STK4: variants seen among roughly 807,000 people sequenced by gnomAD.
The protein encoded by STK4 is serine/threonine kinase 4, also known as serine/threonine-protein kinase 4.
In STK4, 30 loss-of-function variants were observed where a neutral mutation model predicts 64.9. The ratio of observed to expected loss-of-function variants is 0.46; its 90% confidence interval spans 0.35 to 0.63. The LOEUF (loss-of-function observed/expected upper bound fraction) is 0.63. STK4 is among the 20% of genes least tolerant of loss of function. The probability of loss-of-function intolerance (pLI) is 0.01; values close to 1 mark genes in which losing one functional copy is unlikely to be tolerated. For missense variants in STK4, 466 were observed against 598.5 expected (o/e 0.78, Z 2.31); for synonymous variants, 177 against 199.0 (o/e 0.89, Z 0.93).
rs71197599 is a variant in STK4 at position 45,062,989 on chromosome 20, CTTTTTTTTTTTTTTTT to C, written c.1306-12014_1306-11999del. Among the ~76,000 whole-genome samples the C allele has an allele frequency of 0.012, 382 of 31,548 alleles. 21 individuals are homozygous for C. The East Asian group carries it at 0.14, about 12-fold the overall frequency. The allele number at this position is 31,548 out of a possible 152,430, so 20.7% of individuals were successfully genotyped here. On this transcript the variant is annotated intron_variant, in intron 10 of 10. Coordinates refer to ENST00000372806, the MANE Select transcript of STK4 (RefSeq NM_006282.5). The stretch of plus-strand genomic sequence containing the variant: ...ACAGGTGTGAGCCACCGCACCCGGC[CTTTTTTTTTTTTTTTT>C]TTTTTTTTTTTTTTGGACACAGGGT...
chr20:44,978,022 T>G (rs1285211952), intron 2 of STK4, among the ~76,000 whole-genome samples: 1 of 152,202 alleles, frequency 6.6e-6, no homozygotes, highest in Non-Finnish European at 1.5e-5. Context: ...ACAACTGGTT[T>G]CAAATCCTGG....
Position 44,981,822 on chromosome 20 carries a change from T to C in STK4, c.246-7T>C, listed in dbSNP as rs777540734. 1 of 1,551,610 alleles carries C rather than the reference T, an allele frequency of 6.4e-7. No individual in the cohort carries two copies. The highest frequency in any genetic ancestry group is 1.7e-5 in the Admixed American group (1 of 59,436). On this transcript the variant is annotated splice_region_variant and splice_polypyrimidine_tract_variant and intron_variant, in intron 3 of 10. Transcript: ENST00000372806. ...TTTATTAATTTGTATTGTCTCTCTC[T>C]CTCTAGCCCTCATGTAGTCAAATAT...
intron 4 of STK4, among the ~76,000 whole-genome samples, chr20:44,982,207 C>T (rs575678588): frequency 6.6e-6 from 1 of 151,628 alleles, no homozygotes; most frequent in East Asian, 1.9e-4. Context: ...AGCTCTACCT[C>T]CTGGGCTTCA....
At chr20:45,036,493 A>G (rs924205700) in intron 10 of STK4, among the ~76,000 whole-genome samples, 1 of 152,124 alleles carries the variant, frequency 6.6e-6, no homozygotes, top group African/African-American at 2.4e-5. Flanking sequence ...ATTTTGCTTA[A>G]TAATGTCCCC....
At chr20:45,001,524 A>G (rs2067841812) in intron 9 of STK4, among the ~76,000 whole-genome samples, 171 bp downstream of exon 9, 1 of 152,212 alleles carries the variant, frequency 6.6e-6, no homozygotes, top group African/African-American at 2.4e-5. Context: ...GTGAGGGGGA[A>G]AGCTGGCCTG....
intron 10 of STK4, among the ~76,000 whole-genome samples, chr20:45,049,605 A>G (rs1424553369): frequency 6.6e-6 from 1 of 152,226 alleles, no homozygotes; most frequent in Non-Finnish European, 1.5e-5. Context: ...TCCCTTTGCC[A>G]GCTTGGTCAG....
intron 5 of STK4, among the ~76,000 whole-genome samples, chr20:44,988,341 C>G (rs531101821): frequency 1.3e-5 from 2 of 151,260 alleles, no homozygotes; most frequent in African/African-American, 4.9e-5. Context: ...ATGGTGAAAC[C>G]CCATCTCCAC....
intron 7 of STK4, among the ~76,000 whole-genome samples, chr20:44,999,386 G>A (rs921129903): frequency 1.3e-5 from 2 of 152,182 alleles, no homozygotes; most frequent in African/African-American, 4.8e-5. Context: ...ACATTTTGAG[G>A]TATACTGTCC....
At chr20:45,019,612 A>G (rs2068206938) in intron 9 of STK4, among the ~76,000 whole-genome samples, 1 of 152,246 alleles carries the variant, frequency 6.6e-6, no homozygotes, top group African/African-American at 2.4e-5. Flanking sequence ...GGCCAGTCTT[A>G]GCATAGGAAT....
At chr20:44,977,511 G>A (rs2145642994) in intron 2 of STK4, among the ~76,000 whole-genome samples, 1 of 152,132 alleles carries the variant, frequency 6.6e-6, no homozygotes, top group East Asian at 1.9e-4. Context: ...ATAAAGTGAT[G>A]ATGGTATCTC....
At chr20:45,046,736 C>T (rs959631493) in intron 10 of STK4, among the ~76,000 whole-genome samples, 4 of 151,428 alleles carry the variant, frequency 2.6e-5, no homozygotes, top group Non-Finnish European at 5.9e-5. Context: ...GGCTGGAGTG[C>T]AGTGGCGTGA....
chr20:44,967,500 C>T (rs1330460733), intron 1 of STK4, among the ~76,000 whole-genome samples: 1 of 152,158 alleles, frequency 6.6e-6, no homozygotes, highest in Non-Finnish European at 1.5e-5. Flanking sequence ...CCTGGATTTC[C>T]CTTGTGGACA....
At chr20:45,053,581 C>T (rs1870153666) in intron 10 of STK4, among the ~76,000 whole-genome samples, 1 of 152,126 alleles carries the variant, frequency 6.6e-6, no homozygotes, top group Non-Finnish European at 1.5e-5. Flanking sequence ...CACCTTAGGC[C>T]CTAGGAAGGA....
chr20:45,000,554 T>C (rs1482779541), intron 8 of STK4, 34 bp downstream of exon 8: 7 of 1,612,100 alleles, frequency 4.3e-6, no homozygotes, highest in East Asian at 2.2e-5. Context: ...GCCTCAGACA[T>C]TGATGCTTGT....
intron 9 of STK4, among the ~76,000 whole-genome samples, chr20:45,016,839 G>A (rs2068150976): frequency 6.6e-6 from 1 of 152,214 alleles, no homozygotes; most frequent in Non-Finnish European, 1.5e-5. Flanking sequence ...ACATAGGAAA[G>A]TGAATCACAA....
intron 9 of STK4, among the ~76,000 whole-genome samples, chr20:45,023,743 A>G (rs2068291052): frequency 6.6e-6 from 1 of 152,056 alleles, no homozygotes; most frequent in Admixed American, 6.6e-5. Context: ...TACTGCTACT[A>G]TGTAACTGCT....
rs1364173273 is a variant in STK4 at position 45,078,083 on chromosome 20, G to C, written c.*2907G>C. ...CAATGAGCCTTGGGCTTCTGTTATT[G>C]CTTGAGCATTTGGAACTCGAGCTTC... On this transcript the variant is annotated 3_prime_UTR_variant, in exon 11 of 11. Coordinates refer to ENST00000372806, the MANE Select transcript of STK4 (RefSeq NM_006282.5). The C allele has an allele frequency of 6.6e-6, 1 of 151,932 alleles. No individual in the cohort carries two copies. The highest frequency in any genetic ancestry group is 2.4e-5 in the African/African-American group (1 of 41,338). 9.4% of individuals were successfully genotyped at this position (151,932 alleles called of 1,614,324 possible). A position where few individuals can be genotyped will look rare whatever the true frequency, so the allele number is the denominator to read the frequency against.
At chr20:45,061,066 GA>G (rs1180962747) in intron 10 of STK4, among the ~76,000 whole-genome samples, 2 of 152,130 alleles carry the variant, frequency 1.3e-5, no homozygotes, top group Non-Finnish European at 2.9e-5. Context: ...AAATGATAGG[GA>G]AAAAAATCTG....
chr20:45,057,692 G>A lies in STK4; in HGVS notation c.1306-17326G>A, dbSNP rs141796914. 2.2e-3 allele frequency among the ~76,000 whole-genome samples: 328 copies of A among 152,276 alleles called. 1 individual carries two copies. The highest frequency in any genetic ancestry group is 7.4e-3 in the African/African-American group (307 of 41,550). On this transcript the variant is annotated intron_variant, in intron 10 of 10. Coordinates refer to ENST00000372806, the MANE Select transcript of STK4 (RefSeq NM_006282.5). ...AAACATTTAGGAAGCACATTTTAAA[G>A]AACGGTTTTATACCAGAGAAGCTAA...
Sources: allele counts gnomAD v4.1 joint callset (sites outside exome capture counted in the v4.1 genomes callset), GRCh38; gene constraint gnomAD v4.1.1; transcripts MANE v1.5; gene names NCBI Gene and HGNC (gene_info 2026-07-23, HGNC 2026-07-21).